MYL12B: variants seen among roughly 807,000 people sequenced by gnomAD.
MYL12B encodes myosin light chain 12B.
In MYL12B, 3 loss-of-function variants were observed where a neutral mutation model predicts 12.9. The observed-to-expected ratio is 0.23, with a 90% CI of 0.11 to 0.60. MYL12B has a LOEUF of 0.60. MYL12B is among the 20% of genes least tolerant of loss of function. MYL12B has a pLI of 0.89. For missense variants in MYL12B, 120 were observed against 215.4 expected, an observed-to-expected ratio of 0.56 and a Z score of 2.77; for synonymous variants, 57 against 71.9, an observed-to-expected ratio of 0.79 and a Z score of 1.05.
intron 2 of MYL12B, among the ~76,000 whole-genome samples, chr18:3,274,638 T>C (rs7505898): frequency 0.96 from 145,757 of 152,314 alleles, 69,806 homozygotes; most frequent in Non-Finnish European, 0.98. Flanking sequence ...CACTCAGCAG[T>C]GTATGAATGG....
chr18:3,266,306 G>A (rs952371340), intron 1 of MYL12B, among the ~76,000 whole-genome samples: 7 of 152,168 alleles, frequency 4.6e-5, no homozygotes, highest in Non-Finnish European at 1.0e-4. Flanking sequence ...CTCTCCACAG[G>A]GCTGTGTGTC....
chr18:3,273,708 A>G (rs2081702437), intron 2 of MYL12B, among the ~76,000 whole-genome samples: 1 of 152,140 alleles, frequency 6.6e-6, no homozygotes, highest in South Asian at 2.1e-4. Context: ...GAGTCAAGGA[A>G]CTGCAGGCAA....
At chr18:3,273,991 A>G (rs1179390615) in intron 2 of MYL12B, among the ~76,000 whole-genome samples, 1 of 152,202 alleles carries the variant, frequency 6.6e-6, no homozygotes, top group Non-Finnish European at 1.5e-5. Flanking sequence ...TATGATTTTG[A>G]AAACTTTTAA....
Position 3,278,013 on chromosome 18 carries a change from A to C in MYL12B, c.*76A>C. The C allele has an allele frequency of 6.5e-7, 1 of 1,533,348 alleles. No individual in the cohort carries two copies. The highest frequency in any genetic ancestry group is 1.2e-5 in the South Asian group (1 of 83,166). The allele number at this position is 1,533,348 out of a possible 1,614,324, so 95.0% of individuals were successfully genotyped here. ...TCTCAGACACTTCCCCCACCCTCATAGAACCTGTTGCATGCAACTTAGTTT... is the reference window on the plus strand; with the variant it reads ...TCTCAGACACTTCCCCCACCCTCATCGAACCTGTTGCATGCAACTTAGTTT... On this transcript the variant is annotated 3_prime_UTR_variant, in exon 4 of 4. Coordinates refer to ENST00000237500, the MANE Select transcript of MYL12B (RefSeq NM_033546.4).
rs563197794 is a variant in MYL12B, at chr18:3,275,996, T to C, written c.185-1257T>C. ...CAAATTCCCAGAATTAAAACTTACA[T>C]ATGAACTATAATGGTAGCTTTGATT... On this transcript the variant is annotated intron_variant, in intron 2 of 3. Coordinates refer to ENST00000237500, the MANE Select transcript of MYL12B (RefSeq NM_033546.4). 1.5e-3 allele frequency among the ~76,000 whole-genome samples: 231 copies of C among 152,246 alleles called. 3 individuals are homozygous for C. In the South Asian group the frequency reaches 0.032, roughly 21 times the overall value.
At chr18:3,266,928 A>G (rs1160096182) in intron 1 of MYL12B, among the ~76,000 whole-genome samples, 3 of 152,232 alleles carry the variant, frequency 2.0e-5, no homozygotes, top group East Asian at 3.8e-4. Flanking sequence ...ACCAGCAGTC[A>G]TACAACTTGT....
chr18:3,262,146 C>G lies in MYL12B; in HGVS notation c.-107C>G, dbSNP rs768011854. The G allele has an allele frequency of 2.0e-5, 3 of 152,008 alleles. No individual in the cohort carries two copies. The highest frequency in any genetic ancestry group is 4.4e-5 in the Non-Finnish European group (3 of 68,000). 9.4% of individuals were successfully genotyped at this position (152,008 alleles called of 1,614,324 possible). ...CTCCGCCCCTTCAGGCAGGAAGTGTCGGCGCCGCCACTGTCCGGCCACAGC... is the reference window on the plus strand; with the variant it reads ...CTCCGCCCCTTCAGGCAGGAAGTGTGGGCGCCGCCACTGTCCGGCCACAGC... On this transcript the variant is annotated 5_prime_UTR_variant, in exon 1 of 4. Transcript: ENST00000237500.
intron 2 of MYL12B, 23 bp downstream of exon 2, chr18:3,273,105 G>T: frequency 2.6e-6 from 4 of 1,527,344 alleles, no homozygotes; most frequent in African/African-American, 1.4e-5. Flanking sequence ...TTCTTTATTT[G>T]TATTTTCCCT....
At chr18:3,275,025 T>A (rs1441355497) in intron 2 of MYL12B, among the ~76,000 whole-genome samples, 2 of 152,230 alleles carry the variant, frequency 1.3e-5, no homozygotes, top group Non-Finnish European at 2.9e-5. Flanking sequence ...CTCCCATGTT[T>A]ATTCCAGCAC....
chr18:3,277,263 C>T lies in MYL12B; in HGVS notation c.195C>T (p.Pro65=), dbSNP rs765110156. Residue 65 remains proline (P), a synonymous_variant, in exon 3 of 4, where the codon CCC becomes CCT. Coordinates refer to ENST00000237500, the MANE Select transcript of MYL12B (RefSeq NM_033546.4). ...HDMLASLGKN[P]TDAYLDAMMN... ...TGTGTATTCTTACAGGGAAGAATCC[C>T]ACTGATGCATACCTTGATGCCATGA... The T allele has an allele frequency of 8.8e-5, 140 of 1,593,816 alleles. No homozygotes were observed. Among genetic ancestry groups the T allele is most frequent in the Non-Finnish European group, 1.1e-4 (129 of 1,170,668 alleles).
intron 1 of MYL12B, among the ~76,000 whole-genome samples, chr18:3,270,422 C>T (rs2034068): frequency 0.96 from 145,959 of 152,114 alleles, 70,080 homozygotes; most frequent in Non-Finnish European, 0.98. Flanking sequence ...TGTTCTCTTC[C>T]ATCAACTTGC....
chr18:3,274,811 G>A (rs958032219), intron 2 of MYL12B, among the ~76,000 whole-genome samples: 3 of 152,114 alleles, frequency 2.0e-5, no homozygotes, highest in Non-Finnish European at 4.4e-5. Flanking sequence ...TATTTAGTTT[G>A]CTTTAACATA....
At position 3,265,754 on chromosome 18, in the gene MYL12B, A is replaced by G. The variant is rs189768048; in HGVS notation, c.-16+3517A>G. Among the ~76,000 whole-genome samples the G allele has an allele frequency of 2.4e-3, 364 of 152,330 alleles. 1 individual carries two copies. The highest frequency in any genetic ancestry group is 8.1e-3 in the African/African-American group (338 of 41,578). ...TTTGAGACTCCAATTAGAAAGCAGGAATAACTAGCAAATCAGGAAGTGATT... is the reference window on the plus strand; with the variant it reads ...TTTGAGACTCCAATTAGAAAGCAGGGATAACTAGCAAATCAGGAAGTGATT... On this transcript the variant is annotated intron_variant, in intron 1 of 3. Coordinates refer to ENST00000237500, the MANE Select transcript of MYL12B (RefSeq NM_033546.4).
chr18:3,274,621 G>T (rs2081713623), intron 2 of MYL12B, among the ~76,000 whole-genome samples: 1 of 152,184 alleles, frequency 6.6e-6, no homozygotes, highest in East Asian at 1.9e-4. Context: ...TTTGAACATG[G>T]TTTGAACACT....
rs1290773519 is a variant in MYL12B at position 3,278,010 on chromosome 18, C to T, written c.*73C>T. On this transcript the variant is annotated 3_prime_UTR_variant, in exon 4 of 4. Transcript: ENST00000237500. ...ACTTCTCAGACACTTCCCCCACCCT[C>T]ATAGAACCTGTTGCATGCAACTTAG... 2 of 1,537,052 alleles carry T rather than the reference C, an allele frequency of 1.3e-6. No individual in the cohort carries two copies. Among genetic ancestry groups the T allele is most frequent in the African/African-American group, 2.8e-5 (2 of 71,884 alleles).
At chr18:3,277,514 C>T (rs77819285) in intron 3 of MYL12B, 100 bp downstream of exon 3, 4 of 1,507,152 alleles carry the variant, frequency 2.7e-6, no homozygotes, top group Non-Finnish European at 3.5e-6. Context: ...AAAATATTTG[C>T]TTAAGAATAA....
chr18:3,265,591 GC>G (rs2081628477), intron 1 of MYL12B, among the ~76,000 whole-genome samples: 1 of 152,136 alleles, frequency 6.6e-6, no homozygotes, highest in Non-Finnish European at 1.5e-5. Flanking sequence ...TTCTACTGTG[GC>G]CCAGATAAAA....
At chr18:3,273,245 A>G (rs773295086) in intron 2 of MYL12B, among the ~76,000 whole-genome samples, 163 bp downstream of exon 2, 1 of 152,114 alleles carries the variant, frequency 6.6e-6, no homozygotes, top group East Asian at 1.9e-4. Context: ...GGCCAGTCAT[A>G]TGGAGATAAG....
rs148362510 is a variant in MYL12B, at chr18:3,267,977, G to C, written c.-15-4907G>C. Among the ~76,000 whole-genome samples, 1,309 of 152,174 alleles carry C rather than the reference G, an allele frequency of 8.6e-3. 7 individuals are homozygous for C. The highest frequency in any genetic ancestry group is 0.014 in the Non-Finnish European group (927 of 68,000). ...TAATGCAAATACTATATAAATAGTT[G>C]TTATAGTGTATTTTTTATTTGTATT... On this transcript the variant is annotated intron_variant, in intron 1 of 3. Coordinates refer to ENST00000237500, the MANE Select transcript of MYL12B (RefSeq NM_033546.4).
Sources: gnomAD v4.1 joint callset for allele counts (sites outside exome capture counted in the v4.1 genomes callset) on GRCh38, gnomAD v4.1.1 for gene constraint, MANE v1.5 for transcripts, NCBI Gene and HGNC (gene_info 2026-07-23, HGNC 2026-07-21) for gene names.